PDE7A: variants seen among roughly 807,000 people sequenced by gnomAD.
PDE7A encodes high affinity 3',5'-cyclic-AMP phosphodiesterase 7A.
In PDE7A, 39 loss-of-function variants were observed where a neutral mutation model predicts 64.3. The observed-to-expected ratio is 0.61, with a 90% CI of 0.47 to 0.79. The LOEUF is 0.79. Ranked by LOEUF, PDE7A falls within the 30% of genes least tolerant of loss-of-function variation. The pLI is 0.00. For synonymous variants in PDE7A, 203 were observed against 206.8 expected (o/e 0.98, Z 0.16); for missense variants, 470 against 582.8 (o/e 0.81, Z 1.99).
intron 1 of PDE7A, among the ~76,000 whole-genome samples, chr8:65,808,786 G>A (rs1283676666): frequency 1.3e-5 from 2 of 152,106 alleles, no homozygotes; most frequent in African/African-American, 4.8e-5. Flanking sequence ...ATTTTATCTA[G>A]GAAGAACCTA....
At chr8:65,725,061 C>CA in intron 9 of PDE7A, 140 bp from the exon 10 acceptor site, 5 of 473,854 alleles carry the variant, frequency 1.1e-5, no homozygotes, top group South Asian at 1.3e-4. Context: ...ATTTATCACA[C>CA]AAAAAATGAG....
At chr8:65,733,239 T>G (rs1806976741) in intron 7 of PDE7A, among the ~76,000 whole-genome samples, 1 of 152,178 alleles carries the variant, frequency 6.6e-6, no homozygotes, top group Admixed American at 6.5e-5. Flanking sequence ...CCTGCTCACC[T>G]GGCATCACCC....
chr8:65,788,324 A>G (rs1809614336), intron 1 of PDE7A, among the ~76,000 whole-genome samples: 1 of 152,234 alleles, frequency 6.6e-6, no homozygotes. Context: ...GAATTTCTCA[A>G]GCCTGACATT....
At chr8:65,761,760 A>G (rs1490389929) in intron 3 of PDE7A, among the ~76,000 whole-genome samples, 1 of 152,246 alleles carries the variant, frequency 6.6e-6, no homozygotes, top group Non-Finnish European at 1.5e-5. Context: ...AAAAAGTGGG[A>G]TAGCAGACGA....
intron 1 of PDE7A, among the ~76,000 whole-genome samples, chr8:65,823,543 TG>T (rs1254398512): frequency 1.3e-5 from 2 of 152,204 alleles, no homozygotes; most frequent in Non-Finnish European, 2.9e-5. Flanking sequence ...GGGGAGATTA[TG>T]TGTGGCAATT....
chr8:65,746,627 T>G (rs187335091), intron 4 of PDE7A, among the ~76,000 whole-genome samples: 11 of 152,278 alleles, frequency 7.2e-5, no homozygotes, highest in African/African-American at 1.9e-4. Flanking sequence ...TATCCAAAAG[T>G]TCACTGTTGT....
intron 1 of PDE7A, among the ~76,000 whole-genome samples, chr8:65,810,562 ATT>A: frequency 6.6e-6 from 1 of 151,566 alleles, no homozygotes; most frequent in South Asian, 2.1e-4. Context: ...AGAATAATAC[ATT>A]TTTTTTTGTT....
At position 65,828,036 on chromosome 8, in the gene PDE7A, T is replaced by TCA. The variant is rs370357134; in HGVS notation, c.138+13333_138+13334dup. Among the ~76,000 whole-genome samples, 99 of 152,276 alleles carry TCA rather than the reference T, an allele frequency of 6.5e-4. 1 individual carries two copies. The highest frequency in any genetic ancestry group is 3.2e-3 in the Admixed American group (49 of 15,282). ...ATTAACTAACTAGACCTCAGTCTCT[T>TCA]CATAACTTAAAAATTCCACTTATAT... On this transcript the variant is annotated intron_variant, in intron 1 of 12. Transcript: ENST00000401827.
intron 1 of PDE7A, among the ~76,000 whole-genome samples, chr8:65,828,532 G>A (rs537844190): frequency 6.6e-6 from 1 of 152,202 alleles, no homozygotes; most frequent in African/African-American, 2.4e-5. Flanking sequence ...CATTACCAAT[G>A]TTGCAAATTG....
intron 7 of PDE7A, chr8:65,728,400 C>T (rs561506420): frequency 6.6e-6 from 1 of 152,194 alleles, no homozygotes; most frequent in Non-Finnish European, 1.5e-5. Context: ...GTGTTAAGTT[C>T]ATCTCAGTCA....
At chr8:65,751,465 C>A (rs966601130) in intron 3 of PDE7A, among the ~76,000 whole-genome samples, 7 of 152,048 alleles carry the variant, frequency 4.6e-5, no homozygotes, top group African/African-American at 7.2e-5. Context: ...TCTATTGTAT[C>A]CTTCCTGAGG....
intron 1 of PDE7A, among the ~76,000 whole-genome samples, chr8:65,825,040 A>G (rs58156571): frequency 0.021 from 3,273 of 152,340 alleles, 55 homozygotes; most frequent in African/African-American, 0.047. Flanking sequence ...ATTTGACAGT[A>G]TGCTTTGATC....
At chr8:65,780,068 G>A (rs1204736569) in intron 2 of PDE7A, among the ~76,000 whole-genome samples, 1 of 151,428 alleles carries the variant, frequency 6.6e-6, no homozygotes, top group Non-Finnish European at 1.5e-5. Flanking sequence ...TTAGCCTTCT[G>A]AAAGAGGATT....
intron 11 of PDE7A, 147 bp downstream of exon 11, chr8:65,724,108 G>C: frequency 1.8e-6 from 1 of 552,500 alleles, no homozygotes; most frequent in Non-Finnish European, 3.2e-6. Context: ...AATTTGTATT[G>C]ATTAGATGTA....
At chr8:65,808,893 T>A (rs1192781565) in intron 1 of PDE7A, among the ~76,000 whole-genome samples, 1 of 152,184 alleles carries the variant, frequency 6.6e-6, no homozygotes, top group Non-Finnish European at 1.5e-5. Context: ...GTTCTCTACC[T>A]CAAGACAATG....
intron 1 of PDE7A, chr8:65,838,817 T>G (rs1811010269): frequency 6.6e-6 from 1 of 152,194 alleles, no homozygotes; most frequent in South Asian, 2.1e-4. Flanking sequence ...TCTGGCAGCC[T>G]CCCACCCCAC....
chr8:65,781,766 T>A (rs1263634427), intron 2 of PDE7A, among the ~76,000 whole-genome samples: 1 of 152,188 alleles, frequency 6.6e-6, no homozygotes, highest in Non-Finnish European at 1.5e-5. Context: ...ATCCATAACA[T>A]TTACATGGAG....
chr8:65,811,059 T>G (rs1392803751), intron 1 of PDE7A, among the ~76,000 whole-genome samples: 1 of 152,066 alleles, frequency 6.6e-6, no homozygotes, highest in African/African-American at 2.4e-5. Flanking sequence ...TGAAGAAAAT[T>G]TAAATCTCTA....
At chr8:65,800,161 C>T (rs1459666955) in intron 1 of PDE7A, among the ~76,000 whole-genome samples, 2 of 135,376 alleles carry the variant, frequency 1.5e-5, no homozygotes, top group African/African-American at 5.0e-5. Flanking sequence ...AGGCTCGGAC[C>T]CCCCACCTAA....
Sources: gnomAD v4.1 joint callset for allele counts (sites outside exome capture counted in the v4.1 genomes callset) on GRCh38, gnomAD v4.1.1 for gene constraint, MANE v1.5 for transcripts, NCBI Gene and HGNC (gene_info 2026-07-23, HGNC 2026-07-21) for gene names.